SNX4: variants seen among roughly 807,000 people sequenced by gnomAD.
SNX4 encodes the protein sorting nexin-4.
SNX4 carries 49 observed loss-of-function variants against 70.8 expected under a neutral mutation model. The ratio of observed to expected loss-of-function variants is 0.69; its 90% CI spans 0.55 to 0.88. The LOEUF (loss-of-function observed/expected upper bound fraction) is 0.88. Among genes scored for constraint, SNX4 ranks in the 40% least tolerant of loss-of-function variants. The pLI is 0.00. For missense variants in SNX4, 528 were observed against 544.8 expected (o/e 0.97, Z 0.31); for synonymous variants, 206 against 183.8 (o/e 1.12, Z -0.98).
chr3:125,475,576 G>A (rs911209436), intron 8 of SNX4, among the ~76,000 whole-genome samples: 9 of 152,274 alleles, frequency 5.9e-5, no homozygotes, highest in Admixed American at 5.9e-4. Context: ...TGTTGGCCAG[G>A]CTGGTCTCAA....
chr3:125,500,075 A>C (rs949850898), intron 2 of SNX4, among the ~76,000 whole-genome samples: 3 of 151,628 alleles, frequency 2.0e-5, no homozygotes, highest in Admixed American at 1.3e-4. Flanking sequence ...AAAACAAACA[A>C]ACACCAAAAA....
intron 9 of SNX4, among the ~76,000 whole-genome samples, chr3:125,467,887 TG>T (rs1246595356): frequency 3.9e-5 from 6 of 152,212 alleles, no homozygotes; most frequent in African/African-American, 1.4e-4. Flanking sequence ...CTCCCAGTAC[TG>T]GGTCTATATC....
intron 1 of SNX4, among the ~76,000 whole-genome samples, chr3:125,508,361 A>C (rs1281838614): frequency 2.6e-5 from 4 of 152,052 alleles, no homozygotes; most frequent in Admixed American, 6.6e-5. Context: ...AGGTCAGGAG[A>C]TTGAGACCAT....
intron 9 of SNX4, among the ~76,000 whole-genome samples, chr3:125,465,074 G>T (rs2107533402): frequency 6.6e-6 from 1 of 151,970 alleles, no homozygotes; most frequent in Non-Finnish European, 1.5e-5. Context: ...TAGAGACAGG[G>T]TTTTGCCATG....
At chr3:125,466,417 C>T (rs1298647702) in intron 9 of SNX4, among the ~76,000 whole-genome samples, 2 of 150,134 alleles carry the variant, frequency 1.3e-5, no homozygotes, top group Admixed American at 6.6e-5. Context: ...ATGATGAAGA[C>T]TCCAAAAGCA....
intron 7 of SNX4, among the ~76,000 whole-genome samples, chr3:125,478,746 G>GA (rs112030191): frequency 0.023 from 3,222 of 142,004 alleles, 92 homozygotes; most frequent in African/African-American, 0.066. Flanking sequence ...AACCACTTAA[G>GA]AAAAAAAAAA....
intron 10 of SNX4, 102 bp from the exon 11 acceptor site, chr3:125,457,467 GA>G (rs1933752446): frequency 9.9e-6 from 7 of 705,702 alleles, no homozygotes; most frequent in Non-Finnish European, 1.7e-5. Context: ...CGCTAGGGCA[GA>G]ATGTGTGTGC....
intron 6 of SNX4, among the ~76,000 whole-genome samples, chr3:125,486,349 TA>T (rs1263910217): frequency 6.6e-6 from 1 of 151,954 alleles, no homozygotes; most frequent in Non-Finnish European, 1.5e-5. Context: ...ACTTTACGTA[TA>T]AGTTAAGTTA....
chr3:125,449,169 A>G (rs1414777973), intron 13 of SNX4: 1 of 151,832 alleles, frequency 6.6e-6, no homozygotes, highest in Non-Finnish European at 1.5e-5. Context: ...CACACCCGTA[A>G]TCCCAGCACT....
At chr3:125,492,273 A>C (rs1934679637) in intron 5 of SNX4, among the ~76,000 whole-genome samples, 1 of 152,162 alleles carries the variant, frequency 6.6e-6, no homozygotes, top group African/African-American at 2.4e-5. Flanking sequence ...CTCCCTCTGA[A>C]GGAGCATTCC....
chr3:125,507,692 G>A (rs548734023), intron 1 of SNX4, among the ~76,000 whole-genome samples: 2 of 152,270 alleles, frequency 1.3e-5, no homozygotes, highest in South Asian at 4.1e-4. Flanking sequence ...AGAAACTTTG[G>A]AGGCCAGAAG....
At chr3:125,519,086 G>A (rs1332540695) in intron 1 of SNX4, among the ~76,000 whole-genome samples, 1 of 152,104 alleles carries the variant, frequency 6.6e-6, no homozygotes, top group African/African-American at 2.4e-5. Context: ...AGCTACTCAG[G>A]AGGCTGAGGC....
intron 13 of SNX4, among the ~76,000 whole-genome samples, chr3:125,449,687 C>T (rs1403682507): frequency 1.3e-5 from 2 of 152,144 alleles, no homozygotes; most frequent in Non-Finnish European, 2.9e-5. Context: ...AAATATCCAA[C>T]AGTATGTCCA....
intron 8 of SNX4, among the ~76,000 whole-genome samples, chr3:125,473,830 A>G (rs904972020): frequency 6.6e-6 from 1 of 152,190 alleles, no homozygotes; most frequent in South Asian, 2.1e-4. Context: ...CTGAACGCAG[A>G]TATTCCCTTG....
intron 12 of SNX4, among the ~76,000 whole-genome samples, chr3:125,451,634 C>CTT (rs1354125997): frequency 1.3e-5 from 2 of 148,544 alleles, no homozygotes; most frequent in Admixed American, 6.7e-5. Context: ...TCTACTTTTT[C>CTT]TTTTTTTTTT....
chr3:125,477,130 C>A (rs1020003067), intron 7 of SNX4, among the ~76,000 whole-genome samples: 8 of 152,176 alleles, frequency 5.3e-5, no homozygotes, highest in Admixed American at 2.6e-4. Context: ...TGTTGGGATT[C>A]AGTTATTCTT....
intron 2 of SNX4, among the ~76,000 whole-genome samples, chr3:125,500,799 C>CAAAAAAAAAAAAAAAAAAAAA (rs770336677): frequency 1.0e-4 from 3 of 29,316 alleles, no homozygotes; most frequent in Non-Finnish European, 1.8e-4. Flanking sequence ...GACTCCGTCT[C>CAAAAAAAAAAAAAAAAAAAAA]AAAAAAAAAA....
chr3:125,499,839 T>C (rs1287296508), intron 2 of SNX4, among the ~76,000 whole-genome samples: 2 of 146,698 alleles, frequency 1.4e-5, no homozygotes, highest in African/African-American at 5.0e-5. Flanking sequence ...GAGGTCAAGG[T>C]GGGTGGATCA....
At chr3:125,475,404 G>A (rs764547466) in intron 8 of SNX4, among the ~76,000 whole-genome samples, 5 of 151,698 alleles carry the variant, frequency 3.3e-5, no homozygotes, top group East Asian at 1.9e-4. Context: ...TCACTCTGCC[G>A]CCCAGGCTGG....
Sources: gnomAD v4.1 joint callset for allele counts (sites outside exome capture counted in the v4.1 genomes callset) on GRCh38, gnomAD v4.1.1 for gene constraint, MANE v1.5 for transcripts, NCBI Gene and HGNC (gene_info 2026-07-23, HGNC 2026-07-21) for gene names.